Variants in CPEB1 observed in about 807,000 individuals in gnomAD.
CPEB1 encodes cytoplasmic polyadenylation element binding protein 1.
CPEB1 carries 7 observed loss-of-function variants against 65.8 expected under a neutral mutation model. The observed-to-expected ratio is 0.11, with a 90% CI of 0.06 to 0.20. The LOEUF (loss-of-function observed/expected upper bound fraction) is 0.20. Ranked by LOEUF, CPEB1 falls within the 10% of genes least tolerant of loss-of-function variation. The pLI is 1.00. For missense variants in CPEB1, 551 were observed against 712.2 expected (o/e 0.77, Z 2.58); for synonymous variants, 262 against 260.0 (o/e 1.01, Z -0.08).
intron 3 of CPEB1, among the ~76,000 whole-genome samples, chr15:82,622,539 G>A (rs1051754884): frequency 6.6e-6 from 1 of 151,890 alleles, no homozygotes; most frequent in Non-Finnish European, 1.5e-5. Context: ...CTACAGGCAC[G>A]CACCATCATG....
intron 3 of CPEB1, among the ~76,000 whole-genome samples, chr15:82,590,446 G>C (rs13379824): frequency 6.6e-6 from 1 of 152,038 alleles, no homozygotes; most frequent in Non-Finnish European, 1.5e-5. Flanking sequence ...TTTCAGACAA[G>C]ATCAGGCACA....
At chr15:82,551,123 G>A (rs1220111518) in intron 9 of CPEB1, among the ~76,000 whole-genome samples, 1 of 152,144 alleles carries the variant, frequency 6.6e-6, no homozygotes, top group Non-Finnish European at 1.5e-5. Flanking sequence ...AGGTAGGGAA[G>A]CTGTGGGTCA....
chr15:82,573,543 T>C (rs915833025), intron 3 of CPEB1, among the ~76,000 whole-genome samples: 2 of 152,166 alleles, frequency 1.3e-5, no homozygotes, highest in Non-Finnish European at 2.9e-5. Flanking sequence ...ACACCAAATA[T>C]CTATATAATC....
intron 3 of CPEB1, among the ~76,000 whole-genome samples, chr15:82,626,100 A>T (rs1269862562): frequency 6.6e-6 from 1 of 150,466 alleles, no homozygotes; most frequent in African/African-American, 2.5e-5. Context: ...AACCTGGGCG[A>T]AAGAGCTAGA....
At position 82,543,585 on chromosome 15, in the gene CPEB1, A is replaced by G. The variant is rs1324610570; in HGVS notation, c.*1007T>C. ...CAAATTAAAGATATAAGGGAAGGGT[A>G]CTTGCCCCCTCTAAGAGAAAGGGCT... On this transcript the variant is annotated 3_prime_UTR_variant, in exon 13 of 13. Coordinates refer to ENST00000684509, the MANE Select transcript of CPEB1 (RefSeq NM_001365242.1). The G allele has an allele frequency of 1.3e-5, 2 of 152,392 alleles. No homozygotes were observed. The highest frequency in any genetic ancestry group is 6.6e-5 in the Admixed American group (1 of 15,256). The allele number at this position is 152,392 out of a possible 1,614,324, so 9.4% of individuals were successfully genotyped here. A position where few individuals can be genotyped will look rare whatever the true frequency, so the allele number is the denominator to read the frequency against.
chr15:82,647,939 C>T (rs1252072927), upstream of CPEB1: 1 of 1,184,212 alleles, frequency 8.4e-7, no homozygotes, highest in Non-Finnish European at 1.1e-6. Flanking sequence ...CGCGCACGCA[C>T]GTGGGCACTA....
chr15:82,626,398 C>T (rs2045778825), intron 3 of CPEB1, among the ~76,000 whole-genome samples: 1 of 152,136 alleles, frequency 6.6e-6, no homozygotes. Flanking sequence ...CACACCACTG[C>T]ACTCCAACCT....
At chr15:82,607,134 G>A (rs2043690240) in intron 3 of CPEB1, among the ~76,000 whole-genome samples, 1 of 149,830 alleles carries the variant, frequency 6.7e-6, no homozygotes, top group Admixed American at 6.7e-5. Context: ...CAAGACATAT[G>A]GAAAACAAAC....
At chr15:82,632,740 G>A (rs779003985) in intron 1 of CPEB1, among the ~76,000 whole-genome samples, 12 of 151,460 alleles carry the variant, frequency 7.9e-5, no homozygotes, top group Non-Finnish European at 1.6e-4. Context: ...TGTTGTCCAG[G>A]CTGGTCTTGA....
intron 3 of CPEB1, among the ~76,000 whole-genome samples, chr15:82,595,001 T>C (rs1237598459): frequency 6.6e-6 from 1 of 152,106 alleles, no homozygotes; most frequent in African/African-American, 2.4e-5. Context: ...AAAGCAACAG[T>C]AAAATAAGTT....
At chr15:82,627,420 C>A in intron 2 of CPEB1, 53 bp from the exon 3 acceptor site, 1 of 1,356,032 alleles carries the variant, frequency 7.4e-7, no homozygotes, top group African/African-American at 1.5e-5. Context: ...TTTATGACCC[C>A]CTTTCTCTCC....
intron 3 of CPEB1, among the ~76,000 whole-genome samples, chr15:82,576,013 T>C (rs2040606045): frequency 6.6e-6 from 1 of 152,172 alleles, no homozygotes; most frequent in South Asian, 2.1e-4. Flanking sequence ...GTATGTCTAA[T>C]AAAACACCTG....
intron 1 of CPEB1, chr15:82,640,739 C>T (rs2047037945): frequency 6.6e-6 from 1 of 152,040 alleles, no homozygotes; most frequent in Non-Finnish European, 1.5e-5. Context: ...CAATCTAAAA[C>T]TTGGGCACAC....
At chr15:82,618,283 A>C (rs998905427) in intron 3 of CPEB1, among the ~76,000 whole-genome samples, 1 of 152,226 alleles carries the variant, frequency 6.6e-6, no homozygotes, top group Non-Finnish European at 1.5e-5. Flanking sequence ...ACATTCTAAG[A>C]GGCAAAAACA....
intron 1 of CPEB1, among the ~76,000 whole-genome samples, chr15:82,637,062 T>C (rs982571708): frequency 3.3e-5 from 5 of 152,212 alleles, no homozygotes; most frequent in African/African-American, 1.2e-4. Context: ...AATGCTTCTC[T>C]GGCTGCCTTG....
chr15:82,635,902 G>A (rs1169888909), intron 1 of CPEB1, among the ~76,000 whole-genome samples: 1 of 152,168 alleles, frequency 6.6e-6, no homozygotes, highest in African/African-American at 2.4e-5. Flanking sequence ...ACAGAACACA[G>A]TAAATTCAAG....
rs1333032930 is a variant in CPEB1, at chr15:82,574,539, G to GA, written c.272-3008dup. On this transcript the variant is annotated intron_variant, in intron 3 of 12. Coordinates refer to ENST00000684509, the MANE Select transcript of CPEB1 (RefSeq NM_001365242.1). ...TCAAGACCAGTCTGGCCAACGTGGT[G>GA]AAAACCTGTCTCTACTAAAAATACA... Among the ~76,000 whole-genome samples, 3 of 151,760 alleles carry GA rather than the reference G, an allele frequency of 2.0e-5. No individual in the cohort carries two copies. In the East Asian group the frequency reaches 5.8e-4, roughly 29 times the overall value.
chr15:82,544,937 G>A (rs920008268), intron 12 of CPEB1, among the ~76,000 whole-genome samples: 5 of 152,204 alleles, frequency 3.3e-5, no homozygotes, highest in Admixed American at 2.0e-4. Flanking sequence ...TGGGCTCGTA[G>A]TGTGTGCAGA....
At chr15:82,592,672 A>G (rs2042353071) in intron 3 of CPEB1, among the ~76,000 whole-genome samples, 1 of 152,070 alleles carries the variant, frequency 6.6e-6, no homozygotes, top group Admixed American at 6.5e-5. Flanking sequence ...ATAATTTTAA[A>G]ACACTTCATT....
Sources: allele counts gnomAD v4.1 joint callset (sites outside exome capture counted in the v4.1 genomes callset), GRCh38; gene constraint gnomAD v4.1.1; transcripts MANE v1.5; gene names NCBI Gene and HGNC (gene_info 2026-07-23, HGNC 2026-07-21).